Variants in JADE2 observed in about 807,000 individuals in gnomAD.
JADE2 encodes E3 ubiquitin-protein ligase Jade-2.
A neutral mutation model predicts 85.7 loss-of-function variants in JADE2; 13 were observed. The observed-to-expected ratio is 0.15, with a 90% confidence interval of 0.10 to 0.24. The LOEUF is 0.24. Ranked by LOEUF, JADE2 falls within the 10% of genes least tolerant of loss-of-function variation. The probability of loss-of-function intolerance (pLI) is 1.00; values close to 1 mark genes in which losing one functional copy is unlikely to be tolerated. For synonymous variants in JADE2, 440 were observed against 456.1 expected (o/e 0.96, Z 0.45); for missense variants, 846 against 1,115.9 (o/e 0.76, Z 3.45).
At chr5:134,548,628 A>G (rs905362642) in intron 3 of JADE2, among the ~76,000 whole-genome samples, 3 of 152,134 alleles carry the variant, frequency 2.0e-5, no homozygotes, top group Non-Finnish European at 2.9e-5. Flanking sequence ...ACTCTCTTGG[A>G]ACGAGACTCT....
intron 3 of JADE2, among the ~76,000 whole-genome samples, chr5:134,539,860 G>A (rs550504813): frequency 2.6e-5 from 4 of 152,230 alleles, no homozygotes; most frequent in East Asian, 1.9e-4. Context: ...AAAGGACTCC[G>A]CCTTGCCTCC....
intron 4 of JADE2, among the ~76,000 whole-genome samples, chr5:134,555,306 C>T (rs1762845773): frequency 6.6e-6 from 1 of 152,224 alleles, no homozygotes; most frequent in Middle Eastern, 3.2e-3. Flanking sequence ...CAGAACCCAC[C>T]TCTGGTGTGT....
intron 3 of JADE2, among the ~76,000 whole-genome samples, chr5:134,545,986 G>A (rs1762275294): frequency 6.6e-6 from 1 of 152,136 alleles, no homozygotes; most frequent in South Asian, 2.1e-4. Flanking sequence ...TTGGGACAGT[G>A]ACCAAGACCA....
At chr5:134,526,065 G>A (rs1400928981) in intron 1 of JADE2, 54 bp downstream of exon 1, 1 of 985,170 alleles carries the variant, frequency 1.0e-6, no homozygotes, top group Non-Finnish European at 1.2e-6. Flanking sequence ...ACGTTATTTG[G>A]CGTTTTTGCA....
In JADE2 at chr5:134,537,736, A is replaced by G. The variant is rs148652274; in HGVS notation, c.59-253A>G. On this transcript the variant is annotated intron_variant, in intron 2 of 11. Transcript: ENST00000681547. ...GCCAAGGACTTGTCTGGGGTCACAC[A>G]TTAAACTAATACTGAGCCCCAGTAA... is the stretch of plus-strand genomic sequence containing the variant. Among the ~76,000 whole-genome samples the G allele has an allele frequency of 2.4e-3, 362 of 152,254 alleles. 1 individual carries two copies. Among genetic ancestry groups the G allele is most frequent in the Non-Finnish European group, 3.4e-3 (231 of 68,028 alleles).
chr5:134,534,173 G>A (rs531873730), intron 1 of JADE2, among the ~76,000 whole-genome samples: 2 of 152,190 alleles, frequency 1.3e-5, no homozygotes, highest in South Asian at 2.1e-4. Context: ...TGACATCTTG[G>A]GCAGGTCACT....
upstream of JADE2, among the ~76,000 whole-genome samples, chr5:134,525,215 T>C (rs1581375011): frequency 6.9e-6 from 1 of 144,854 alleles, no homozygotes. Context: ...CTGGGGCGCG[T>C]AGGGGGCGGG....
At chr5:134,576,927 C>T (rs190938242) in intron 11 of JADE2, 31 bp downstream of exon 11, 33 of 1,510,588 alleles carry the variant, frequency 2.2e-5, no homozygotes, top group East Asian at 7.4e-5. Flanking sequence ...CCTGCAGACA[C>T]GGCAGGCTTG....
chr5:134,549,188 A>G (rs184648794), intron 3 of JADE2, among the ~76,000 whole-genome samples: 28 of 152,310 alleles, frequency 1.8e-4, no homozygotes, highest in African/African-American at 6.7e-4. Context: ...GCACTCCCTC[A>G]GTTGGTGATC....
intron 3 of JADE2, among the ~76,000 whole-genome samples, chr5:134,542,657 G>A (rs1386537676): frequency 6.6e-6 from 1 of 151,960 alleles, no homozygotes; most frequent in Non-Finnish European, 1.5e-5. Flanking sequence ...GGTCAGGGTG[G>A]TCTCGAACTC....
intron 4 of JADE2, among the ~76,000 whole-genome samples, chr5:134,557,178 A>C (rs979433928): frequency 6.6e-6 from 1 of 151,850 alleles, no homozygotes; most frequent in Non-Finnish European, 1.5e-5. Context: ...CAACCACATA[A>C]AGTAGGTATT....
Position 134,576,668 on chromosome 5 carries a change from G to A in JADE2, c.1553-100G>A, listed in dbSNP as rs904114799. The A allele has an allele frequency of 3.6e-6, 5 of 1,405,790 alleles. No homozygotes were observed. In the East Asian group the frequency reaches 1.3e-4, roughly 35 times the overall value. The allele number at this position is 1,405,790 out of a possible 1,614,324, so 87.1% of individuals were successfully genotyped here. On this transcript the variant is annotated intron_variant, in intron 10 of 11. Coordinates refer to ENST00000681547, the MANE Select transcript of JADE2 (RefSeq NM_001388185.1). ...TTTTTGCTGTGGAGGGTGAGCACTG[G>A]CTGATGGAGGACTCCTGGGCTGCCA...
intron 1 of JADE2, among the ~76,000 whole-genome samples, chr5:134,534,121 C>CAGAA (rs1301538833): frequency 6.6e-6 from 1 of 152,146 alleles, no homozygotes; most frequent in Non-Finnish European, 1.5e-5. Context: ...ACGGAGAAGT[C>CAGAA]AGAAGGTCAA....
At chr5:134,549,994 G>A (rs75091013) in intron 3 of JADE2, among the ~76,000 whole-genome samples, 18,165 of 152,222 alleles carry the variant, frequency 0.12, 1,380 homozygotes, top group East Asian at 0.21. Context: ...AGAGGCCTTC[G>A]CTGGCACAGG....
chr5:134,568,297 G>A (rs1763772919), intron 9 of JADE2, among the ~76,000 whole-genome samples: 1 of 152,228 alleles, frequency 6.6e-6, no homozygotes, highest in East Asian at 1.9e-4. Context: ...TCCATTCCAA[G>A]GGTTTTGAGC....
At position 134,577,915 on chromosome 5, in the gene JADE2, G is replaced by A. The variant is rs1764481629; in HGVS notation, c.1682-579G>A. Among the ~76,000 whole-genome samples the A allele has an allele frequency of 2.6e-5, 4 of 152,056 alleles. No individual in the cohort carries two copies. The South Asian group carries it at 8.3e-4, about 32-fold the overall frequency. Reference sequence around the variant, plus strand: ...ATTCGTACCTGATCCCTTTATCCATGCTCTTTGCTGCAAGCGCTGGGAGGC... The same window carrying A: ...ATTCGTACCTGATCCCTTTATCCATACTCTTTGCTGCAAGCGCTGGGAGGC... On this transcript the variant is annotated intron_variant, in intron 11 of 11. Transcript: ENST00000681547.
intron 1 of JADE2, among the ~76,000 whole-genome samples, chr5:134,527,396 C>G (rs1190076185): frequency 6.6e-6 from 1 of 152,126 alleles, no homozygotes; most frequent in Non-Finnish European, 1.5e-5. Context: ...AGCTGTTCTG[C>G]CAGAGGATGG....
chr5:134,555,880 C>A (rs533758073), intron 4 of JADE2, among the ~76,000 whole-genome samples: 1 of 152,090 alleles, frequency 6.6e-6, no homozygotes, highest in Non-Finnish European at 1.5e-5. Context: ...TAGAACCTTC[C>A]TTCATGTGGG....
intron 3 of JADE2, among the ~76,000 whole-genome samples, chr5:134,538,939 C>T (rs1231940650): frequency 1.3e-5 from 2 of 151,900 alleles, no homozygotes; most frequent in African/African-American, 4.8e-5. Context: ...TCACTTCAAC[C>T]TCTGCCTCCT....
Sources: gnomAD v4.1 joint callset for allele counts (sites outside exome capture counted in the v4.1 genomes callset) on GRCh38, gnomAD v4.1.1 for gene constraint, MANE v1.5 for transcripts, NCBI Gene and HGNC (gene_info 2026-07-23, HGNC 2026-07-21) for gene names.